The following ABCA3 variants were observed in gnomAD, a reference collection of about 807,000 sequenced individuals.
ABCA3 encodes ATP binding cassette subfamily A member 3.
A neutral mutation model predicts 172.8 loss-of-function variants in ABCA3; 88 were observed. The observed-to-expected ratio is 0.51, with a 90% CI of 0.43 to 0.61. The LOEUF (loss-of-function observed/expected upper bound fraction) is 0.61, where lower values mean the gene tolerates loss of function less well. Among genes scored for constraint, ABCA3 ranks in the 20% least tolerant of loss-of-function variants. ABCA3 has a pLI of 0.00. For missense variants in ABCA3, 2,164 were observed against 2,301.0 expected (o/e 0.94, Z 1.22); for synonymous variants, 1,066 against 983.8 (o/e 1.08, Z -1.56).
In ABCA3 at chr16:2,278,940, C is replaced by T. The variant is rs371055273; in HGVS notation, c.4547+3G>A. On this transcript the variant is annotated splice_donor_region_variant and intron_variant, in intron 29 of 32. Coordinates refer to ENST00000301732, the MANE Select transcript of ABCA3 (RefSeq NM_001089.3). This position sits in a 1 kb window ranked among gnomAD's most constrained non-coding sequence, Gnocchi z 4.4. ...GGGAAGGGCCAGGGCTCGGGAGGTG[C>T]ACCTGTACGTCCTGACCAGCTTGTT... is the stretch of plus-strand genomic sequence containing the variant. 8.0e-5 allele frequency: 129 copies of T among 1,613,482 alleles called. No homozygotes were observed. The African/African-American group carries it at 1.6e-3, about 20-fold the overall frequency.
intron 11 of ABCA3, among the ~76,000 whole-genome samples, chr16:2,304,457 T>C (rs1002425471): frequency 7.2e-5 from 11 of 151,970 alleles, no homozygotes; most frequent in African/African-American, 2.2e-4. Flanking sequence ...ACATCTATGA[T>C]TTCGGTAAGG....
intron 14 of ABCA3, 146 bp from the exon 15 acceptor site, chr16:2,298,686 G>C (rs2093684088): frequency 6.1e-6 from 6 of 984,830 alleles, no homozygotes; most frequent in Non-Finnish European, 9.0e-6. Context: ...ACTCCCACTG[G>C]GGTGGGCTTT....
At chr16:2,295,769 T>C (rs756564137) in intron 17 of ABCA3, 29 bp from the exon 18 acceptor site, 4 of 1,613,430 alleles carry the variant, frequency 2.5e-6, no homozygotes, top group Non-Finnish European at 3.4e-6. Flanking sequence ...TGTGAGATCT[T>C]TGGCTGATCC....
intron 10 of ABCA3, among the ~76,000 whole-genome samples, chr16:2,312,886 C>T (rs1479087642): frequency 1.3e-5 from 2 of 150,812 alleles, no homozygotes; most frequent in African/African-American, 4.9e-5. Flanking sequence ...CCTAACTCTA[C>T]AAAAACTACA....
At chr16:2,323,289 G>C in intron 7 of ABCA3, 2 of 593,654 alleles carry the variant, frequency 3.4e-6, no homozygotes, top group Non-Finnish European at 3.0e-6. Flanking sequence ...ATTTGACCCA[G>C]CCATCCCATT....
chr16:2,300,920 A>G (rs1264355357), intron 12 of ABCA3, among the ~76,000 whole-genome samples: 1 of 152,204 alleles, frequency 6.6e-6, no homozygotes, highest in Non-Finnish European at 1.5e-5. Flanking sequence ...TCTCATATGT[A>G]AAGTGATTTT....
rs756553895 is a variant in ABCA3, at chr16:2,287,724, G to A, written c.3004+302C>T. On this transcript the variant is annotated intron_variant, in intron 21 of 32. Coordinates refer to ENST00000301732, the MANE Select transcript of ABCA3 (RefSeq NM_001089.3). The surrounding 1 kb of genome is among the most constrained non-coding windows in gnomAD (Gnocchi z 4.1). ...AATGATCCTGAAAGACACAGCTTCAGTAAAAAGACGCCTGACAAAGCCTGG... is the reference window on the plus strand; with the variant it reads ...AATGATCCTGAAAGACACAGCTTCAATAAAAAGACGCCTGACAAAGCCTGG... 6.6e-6 allele frequency among the ~76,000 whole-genome samples: 1 copy of A among 152,246 alleles called. No individual in the cohort carries two copies. Among genetic ancestry groups the A allele is most frequent in the Non-Finnish European group, 1.5e-5 (1 of 68,050 alleles).
chr16:2,317,565 C>T (rs561291059), intron 9 of ABCA3, 83 bp downstream of exon 9: 2 of 1,589,552 alleles, frequency 1.3e-6, no homozygotes, highest in South Asian at 2.2e-5. Context: ...AGTCTCTGAC[C>T]ACAAAGTTCT....
Position 2,283,054 on chromosome 16 carries a change from G to A in ABCA3, c.4035+132C>T, listed in dbSNP as rs151268594. The A allele has an allele frequency of 4.9e-5, 52 of 1,061,880 alleles. 1 individual carries two copies. In the East Asian group the frequency reaches 8.6e-4, roughly 18 times the overall value. 65.8% of individuals were successfully genotyped at this position (1,061,880 alleles called of 1,614,324 possible). A position where few individuals can be genotyped will look rare whatever the true frequency, so the allele number is the denominator to read the frequency against. ...GTAAGTGCCGGCTGGTGCTGAGGCCGTACAGTGGGAGACCATCTGGTGCAG... is the reference window on the plus strand; with the variant it reads ...GTAAGTGCCGGCTGGTGCTGAGGCCATACAGTGGGAGACCATCTGGTGCAG... On this transcript the variant is annotated intron_variant, in intron 26 of 32. Coordinates refer to ENST00000301732, the MANE Select transcript of ABCA3 (RefSeq NM_001089.3). This position sits in a 1 kb window ranked among gnomAD's most constrained non-coding sequence, Gnocchi z 5.4.
rs76519389 is a variant in ABCA3 at position 2,288,027 on chromosome 16, G to C, written c.3003C>G (p.Leu1001=). The change falls in exon 21 of 33, where the codon CTC becomes CTG. Residue 1001 remains leucine, a splice_region_variant and synonymous_variant. Transcript: ENST00000301732. ...TCCCGCCCCCGGGATGCCCCTTACC[G>C]AGCACCTCGCGGGGCTCCTGTCCCT... ...QAEGQEPREV[L]GDLEEFLIFR... The C allele has an allele frequency of 6.2e-7, 1 of 1,605,376 alleles. No individual in the cohort carries two copies. The highest frequency in any genetic ancestry group is 8.5e-7 in the Non-Finnish European group (1 of 1,179,878).
At chr16:2,311,954 G>A (rs900363852) in intron 10 of ABCA3, among the ~76,000 whole-genome samples, 2 of 152,168 alleles carry the variant, frequency 1.3e-5, no homozygotes, top group Non-Finnish European at 2.9e-5. Context: ...ACTGCGCCTG[G>A]CCACACTTTG....
At position 2,279,610 on chromosome 16, in the gene ABCA3, G is replaced by A. The variant is rs1490397154; in HGVS notation, c.4360-480C>T. Among the ~76,000 whole-genome samples, 2 of 152,240 alleles carry A rather than the reference G, an allele frequency of 1.3e-5. No individual in the cohort carries two copies. The highest frequency in any genetic ancestry group is 2.9e-5 in the Non-Finnish European group (2 of 68,044). On this transcript the variant is annotated intron_variant, in intron 28 of 32. Transcript: ENST00000301732. This position sits in a 1 kb window ranked among gnomAD's most constrained non-coding sequence, Gnocchi z 4.4. ...AAGTGACCACGTCCAGCTGAATTAA[G>A]ACGTGCCTGCTGCCATCTGCTTAGC...
Position 2,277,564 on chromosome 16 carries a change from GAGTGCCC to G in ABCA3, c.4983+26_4983+32del. 1.2e-6 allele frequency: 2 copies of G among 1,609,954 alleles called. No individual in the cohort carries two copies. Among genetic ancestry groups the G allele is most frequent in the Non-Finnish European group, 1.7e-6 (2 of 1,177,748 alleles). Reference sequence around the variant, plus strand: ...CTGGAGGGACCTCCCCCTGCCCCATGAGTGCCCAGTGGGGCCCCAGGGACTGCCTCAC... The same window carrying G: ...CTGGAGGGACCTCCCCCTGCCCCATGAGTGGGGCCCCAGGGACTGCCTCAC... On this transcript the variant is annotated intron_variant, in intron 32 of 32. Coordinates refer to ENST00000301732, the MANE Select transcript of ABCA3 (RefSeq NM_001089.3). This position sits in a 1 kb window ranked among gnomAD's most constrained non-coding sequence, Gnocchi z 5.3.
At chr16:2,336,596 A>G (rs1001248301) in intron 1 of ABCA3, among the ~76,000 whole-genome samples, 10 of 124,620 alleles carry the variant, frequency 8.0e-5, no homozygotes, top group African/African-American at 2.8e-4. Context: ...ACGCCCAGCT[A>G]ATTTTTTTTT....
At chr16:2,338,777 CAG>C (rs2093755818) in intron 1 of ABCA3, among the ~76,000 whole-genome samples, 1 of 122,692 alleles carries the variant, frequency 8.2e-6, no homozygotes, top group Non-Finnish European at 1.6e-5. Flanking sequence ...TTTTTTGAGA[CAG>C]AGTCTTGCTC....
At position 2,285,707 on chromosome 16, in the gene ABCA3, G is replaced by A. The variant is rs530464097; in HGVS notation, c.3279-61C>T. 937 of 1,524,880 alleles carry A rather than the reference G, an allele frequency of 6.1e-4. 12 individuals carry two copies. In the South Asian group the frequency reaches 6.4e-3, roughly 10 times the overall value. 94.5% of individuals were successfully genotyped at this position (1,524,880 alleles called of 1,614,324 possible). A position where few individuals can be genotyped will look rare whatever the true frequency, so the allele number is the denominator to read the frequency against. On this transcript the variant is annotated intron_variant, in intron 22 of 32. Coordinates refer to ENST00000301732, the MANE Select transcript of ABCA3 (RefSeq NM_001089.3). The surrounding 1 kb of genome is among the most constrained non-coding windows in gnomAD (Gnocchi z 4.7). Reference sequence around the variant, plus strand: ...GCACGTCTGGGTGGCAGGAGAGGTCGGGTTCTCGGTTATGACCGCCCAAGG... The same window carrying A: ...GCACGTCTGGGTGGCAGGAGAGGTCAGGTTCTCGGTTATGACCGCCCAAGG...
Position 2,295,614 on chromosome 16 carries a change from A to T in ABCA3, c.2390T>A (p.Ile797Asn), listed in dbSNP as rs1428733346. 7 of 1,613,708 alleles carry T rather than the reference A, an allele frequency of 4.3e-6. No homozygotes were observed. Among genetic ancestry groups the T allele is most frequent in the Non-Finnish European group, 5.9e-6 (7 of 1,180,052 alleles). Reference sequence around the variant, plus strand: ...CCTGTGCGTGCTCTCTCTGGGAAGGATGAAAGACAGCTCGGCCCCAGCGCT... The same window carrying T: ...CCTGTGCGTGCTCTCTCTGGGAAGGTTGAAAGACAGCTCGGCCCCAGCGCT... ...ESSAGAELSF[I>N]LPRESTHRFE... Residue 797 changes from isoleucine (I) to asparagine (N), a missense_variant, in exon 18 of 33, where the codon ATC (isoleucine) becomes AAC (asparagine). By Grantham distance (149) the Ile-to-Asn change is moderately radical. Coordinates refer to ENST00000301732, the MANE Select transcript of ABCA3 (RefSeq NM_001089.3).
intron 18 of ABCA3, among the ~76,000 whole-genome samples, chr16:2,293,541 T>A (rs552240290): frequency 2.1e-5 from 3 of 145,730 alleles, no homozygotes; most frequent in African/African-American, 7.6e-5. Flanking sequence ...GTGGCTAAGT[T>A]TTTTTTTTTT....
chr16:2,291,203 C>G (rs1329984953), intron 19 of ABCA3, among the ~76,000 whole-genome samples: 2 of 152,084 alleles, frequency 1.3e-5, no homozygotes, highest in Non-Finnish European at 2.9e-5. Flanking sequence ...ATGACGTGCG[C>G]CTGCAGTCCC....
Sources: gnomAD v4.1 joint callset for allele counts (sites outside exome capture counted in the v4.1 genomes callset) on GRCh38, gnomAD v4.1.1 for gene constraint, Gnocchi (gnomAD v3.1) non-coding constraint, MANE v1.5 for transcripts, NCBI Gene and HGNC (gene_info 2026-07-23, HGNC 2026-07-21) for gene names.